DSTYK: variants seen among roughly 807,000 people sequenced by gnomAD.
DSTYK encodes the protein dual serine/threonine and tyrosine protein kinase.
In DSTYK, 34 loss-of-function variants were observed where a neutral mutation model predicts 98.7. The ratio of observed to expected loss-of-function variants is 0.34; its 90% CI spans 0.26 to 0.46. The LOEUF is 0.46. Among genes scored for constraint, DSTYK ranks in the 20% least tolerant of loss-of-function variants. DSTYK has a pLI of 1.00. For missense variants in DSTYK, 962 were observed against 1,181.7 expected, an observed-to-expected ratio of 0.81 and a Z score of 2.73; for synonymous variants, 462 against 457.3, an observed-to-expected ratio of 1.01 and a Z score of -0.13.
Position 205,144,693 on chromosome 1 carries a change from C to G in DSTYK, c.*2865G>C, listed in dbSNP as rs1425628197. 1 of 152,174 alleles carries G rather than the reference C, an allele frequency of 6.6e-6. No individual in the cohort carries two copies. Among genetic ancestry groups the G allele is most frequent in the South Asian group, 2.1e-4 (1 of 4,832 alleles). 9.4% of individuals were successfully genotyped at this position (152,174 alleles called of 1,614,324 possible). The stretch of plus-strand genomic sequence containing the variant: ...TAGAGACTTTCAAGAATATTTTGCA[C>G]CTTTTCTCAAAATACTTTTTTTTAA... On this transcript the variant is annotated 3_prime_UTR_variant, in exon 13 of 13. Transcript: ENST00000367162.
rs1231361457 is a variant in DSTYK, at chr1:205,192,937, T to C, written c.266-5131A>G. ...TGAACTGCAGAGCTCTGGGGGCCAG[T>C]AGACAATGACCCCTACGCCACATTG... On this transcript the variant is annotated intron_variant, in intron 1 of 12. Coordinates refer to ENST00000367162, the MANE Select transcript of DSTYK (RefSeq NM_015375.3). 4.6e-5 allele frequency among the ~76,000 whole-genome samples: 7 copies of C among 152,186 alleles called. No homozygotes were observed. In the South Asian group the frequency reaches 1.2e-3, roughly 27 times the overall value.
intron 1 of DSTYK, 147 bp downstream of exon 1, chr1:205,211,124 G>C: frequency 8.2e-7 from 1 of 1,221,338 alleles, no homozygotes; most frequent in Non-Finnish European, 1.1e-6. Context: ...AGATCCGGCC[G>C]GCCCATGCCC....
rs150727939 is a variant in DSTYK at position 205,187,615 on chromosome 1, G to C, written c.457C>G (p.Leu153Val). ...GTCTGAGTCCCATAGGTGAAGCGGA[G>C]GCGCCGAAGCTTACAGCTCTCCTCA... Reference protein sequence around the residue: ...GSEESCKLRRLRFTYGTQTRV... With the variant: ...GSEESCKLRRVRFTYGTQTRV... The change falls in exon 2 of 13, where the codon CTC (leucine) becomes GTC (valine). Residue 153 changes from leucine to valine, a missense_variant. Leu to Val is a conservative substitution (Grantham distance 32). Around this residue, in one of 4 missense-constraint regions of DSTYK, gnomAD observed 660 missense variants for 855.0 expected, o/e 0.77. Coordinates refer to ENST00000367162, the MANE Select transcript of DSTYK (RefSeq NM_015375.3). The C allele has an allele frequency of 1.5e-5, 24 of 1,614,188 alleles. No individual in the cohort carries two copies. In the African/African-American group the frequency reaches 2.1e-4, roughly 14 times the overall value.
chr1:205,153,938 T>A (rs1657482201), intron 10 of DSTYK, among the ~76,000 whole-genome samples: 1 of 149,026 alleles, frequency 6.7e-6, no homozygotes, highest in African/African-American at 2.5e-5. Flanking sequence ...GGTCTCGAAC[T>A]CCTGACCTCA....
chr1:205,209,556 T>C (rs1558631310), intron 1 of DSTYK, among the ~76,000 whole-genome samples: 2 of 71,580 alleles, frequency 2.8e-5, no homozygotes, highest in Non-Finnish European at 8.6e-5. Flanking sequence ...TCCTAAATGA[T>C]ACCGTTCCAT....
At position 205,150,297 on chromosome 1, in the gene DSTYK, T is replaced by A. The variant is rs1657365332; in HGVS notation, c.2467+383A>T. On this transcript the variant is annotated intron_variant, in intron 11 of 12. Transcript: ENST00000367162. The surrounding 1 kb of genome is among the most constrained non-coding windows in gnomAD (Gnocchi z 4.1). ...ACTTAATTTAGCACTTAATCATACG[T>A]TGTGTTGTACTGCTTCCTATTTTAC... is the stretch of plus-strand genomic sequence containing the variant. Among the ~76,000 whole-genome samples the A allele has an allele frequency of 6.6e-6, 1 of 152,166 alleles. No homozygotes were observed. Among genetic ancestry groups the A allele is most frequent in the Non-Finnish European group, 1.5e-5 (1 of 68,030 alleles).
chr1:205,207,440 G>C (rs766263745), intron 1 of DSTYK, among the ~76,000 whole-genome samples: 1 of 151,246 alleles, frequency 6.6e-6, no homozygotes, highest in Non-Finnish European at 1.5e-5. Context: ...AACTTTACTG[G>C]ATAATAAAAC....
In DSTYK at chr1:205,147,300, T is replaced by C; in HGVS notation, c.*258A>G. On this transcript the variant is annotated 3_prime_UTR_variant, in exon 13 of 13. Coordinates refer to ENST00000367162, the MANE Select transcript of DSTYK (RefSeq NM_015375.3). ...TCATTTGTGAAGCCAGAACACCACA[T>C]TCCTCAGCTTTTACACATCTGAGAC... is the stretch of plus-strand genomic sequence containing the variant. 1 of 347,406 alleles carries C rather than the reference T, an allele frequency of 2.9e-6. No individual in the cohort carries two copies. The highest frequency in any genetic ancestry group is 5.3e-6 in the Non-Finnish European group (1 of 188,438). 21.5% of individuals were successfully genotyped at this position (347,406 alleles called of 1,614,324 possible).
chr1:205,173,291 A>G (rs1658122043), intron 2 of DSTYK: 1 of 151,490 alleles, frequency 6.6e-6, no homozygotes, highest in African/African-American at 2.4e-5. Flanking sequence ...CTACTCAGGA[A>G]GCTGAGGCAG....
intron 2 of DSTYK, among the ~76,000 whole-genome samples, chr1:205,178,339 G>T (rs1658292822): frequency 6.6e-6 from 1 of 151,976 alleles, no homozygotes; most frequent in Non-Finnish European, 1.5e-5. Context: ...TGGTCTCTAT[G>T]CATTCTACCT....
Position 205,147,326 on chromosome 1 carries a change from A to G in DSTYK, c.*232T>C, listed in dbSNP as rs981461073. The G allele has an allele frequency of 9.8e-6, 4 of 408,382 alleles. No individual in the cohort carries two copies. The highest frequency in any genetic ancestry group is 3.9e-5 in the African/African-American group (2 of 51,412). The allele number at this position is 408,382 out of a possible 1,614,324, so 25.3% of individuals were successfully genotyped here. ...TCCTCAGCTTTTACACATCTGAGAC[A>G]CTTTTTTGCTAAAGGGATAGCTTGG... On this transcript the variant is annotated 3_prime_UTR_variant, in exon 13 of 13. Transcript: ENST00000367162.
chr1:205,179,340 G>T (rs1658325069), intron 2 of DSTYK, among the ~76,000 whole-genome samples: 1 of 152,046 alleles, frequency 6.6e-6, no homozygotes, highest in African/African-American at 2.4e-5. Context: ...ACTAGATGCG[G>T]CCGGGCGTGG....
chr1:205,211,379 G>A lies in DSTYK; in HGVS notation c.157C>T (p.Arg53Cys), dbSNP rs1295317405. ...QNLRETQKFFRDIKCSHNHTC... is the reference protein window; with the variant it reads ...QNLRETQKFFCDIKCSHNHTC... The stretch of plus-strand genomic sequence containing the variant: ...TGGTTGTGGGAGCACTTGATGTCGC[G>A]GAAGAACTTCTGGGTCTCGCGCAGG... The change falls in exon 1 of 13, where the codon CGC (arginine) becomes TGC (cysteine). Residue 53 changes from arginine (R) to cysteine (C), a missense_variant. Arg to Cys is a radical substitution (Grantham distance 180, BLOSUM62 -3). Coordinates refer to ENST00000367162, the MANE Select transcript of DSTYK (RefSeq NM_015375.3). The A allele has an allele frequency of 6.2e-7, 1 of 1,612,366 alleles. No individual in the cohort carries two copies. The highest frequency in any genetic ancestry group is 1.3e-5 in the African/African-American group (1 of 74,814).
chr1:205,148,909 T>TG (rs1657323399), intron 11 of DSTYK, among the ~76,000 whole-genome samples: 1 of 151,820 alleles, frequency 6.6e-6, no homozygotes, highest in African/African-American at 2.4e-5. Context: ...AAGTGTTTTT[T>TG]TTTTTTTTTT....
chr1:205,171,095 T>C (rs2102416523), intron 2 of DSTYK, among the ~76,000 whole-genome samples: 1 of 152,180 alleles, frequency 6.6e-6, no homozygotes, highest in South Asian at 2.1e-4. Flanking sequence ...GTTTGTTTGA[T>C]GATCTGTTAC....
intron 10 of DSTYK, among the ~76,000 whole-genome samples, chr1:205,153,269 G>T (rs981485587): frequency 1.2e-4 from 19 of 152,126 alleles, no homozygotes; most frequent in African/African-American, 3.6e-4. Context: ...ACTTTCAAGA[G>T]GAGCAGGTCG....
chr1:205,162,882 A>G lies in DSTYK; in HGVS notation c.1641+41T>C, dbSNP rs772016032. ...GGGTCACTATGATTCATTTGAGCCA[A>G]CTAGGGGCTTTGAAATCTTTCTCTA... On this transcript the variant is annotated intron_variant, in intron 5 of 12. Coordinates refer to ENST00000367162, the MANE Select transcript of DSTYK (RefSeq NM_015375.3). 15 of 1,484,632 alleles carry G rather than the reference A, an allele frequency of 1.0e-5. No homozygotes were observed. The Admixed American group carries it at 2.2e-4, about 22-fold the overall frequency. The allele number at this position is 1,484,632 out of a possible 1,614,324, so 92.0% of individuals were successfully genotyped here. A position where few individuals can be genotyped will look rare whatever the true frequency, so the allele number is the denominator to read the frequency against.
chr1:205,147,208 G>A lies in DSTYK; in HGVS notation c.*350C>T. 5.7e-6 allele frequency: 1 copy of A among 174,228 alleles called. No homozygotes were observed. The allele number at this position is 174,228 out of a possible 1,614,324, so 10.8% of individuals were successfully genotyped here. A position where few individuals can be genotyped will look rare whatever the true frequency, so the allele number is the denominator to read the frequency against. On this transcript the variant is annotated 3_prime_UTR_variant, in exon 13 of 13. Coordinates refer to ENST00000367162, the MANE Select transcript of DSTYK (RefSeq NM_015375.3). ...GAGATTTTTTAACACTATTGCCACT[G>A]CAGTGTCCCGCTTGCTGTCTTAGAA... is the stretch of plus-strand genomic sequence containing the variant.
intron 1 of DSTYK, among the ~76,000 whole-genome samples, chr1:205,198,708 T>C (rs1307684377): frequency 1.3e-5 from 2 of 152,142 alleles, no homozygotes; most frequent in Non-Finnish European, 1.5e-5. Context: ...TCTGGCAAGT[T>C]TGACTTGATT....
Sources: gnomAD v4.1 joint callset for allele counts (sites outside exome capture counted in the v4.1 genomes callset) on GRCh38, gnomAD v4.1.1 for gene constraint, gnomAD v4.1.1 regional missense constraint, Gnocchi (gnomAD v3.1) non-coding constraint, MANE v1.5 for transcripts, NCBI Gene and HGNC (gene_info 2026-07-23, HGNC 2026-07-21) for gene names.